SFT2D2: variants seen among roughly 807,000 people sequenced by gnomAD.
The protein encoded by SFT2D2 is SFT2 domain containing 2, also known as vesicle transport protein SFT2B.
SFT2D2 carries 21 observed loss-of-function variants against 27.4 expected under a neutral mutation model. The ratio of observed to expected loss-of-function variants is 0.77; its 90% confidence interval spans 0.54 to 1.10. The LOEUF is 1.10. SFT2D2 is among the 50% of genes least tolerant of loss of function. The pLI is 0.00. For synonymous variants in SFT2D2, 72 were observed against 71.7 expected (o/e 1.00, Z -0.02); for missense variants, 187 against 194.2 (o/e 0.96, Z 0.22).
rs1647748648 is a variant in SFT2D2, at chr1:168,244,420, C to G, written c.*1880C>G. The G allele has an allele frequency of 6.6e-6, 1 of 152,332 alleles. No homozygotes were observed. Among genetic ancestry groups the G allele is most frequent in the Non-Finnish European group, 1.5e-5 (1 of 68,206 alleles). The allele number at this position is 152,332 out of a possible 1,614,324, so 9.4% of individuals were successfully genotyped here. A position where few individuals can be genotyped will look rare whatever the true frequency, so the allele number is the denominator to read the frequency against. ...TCTGGAACTCCTGACCTCAGGTAAT[C>G]CGCCCACCTTGACCTCCCAAAGTGC... is the stretch of plus-strand genomic sequence containing the variant. On this transcript the variant is annotated 3_prime_UTR_variant, in exon 8 of 8. Coordinates refer to ENST00000271375, the MANE Select transcript of SFT2D2 (RefSeq NM_199344.3).
chr1:168,226,051 G>A lies in SFT2D2; in HGVS notation c.-29G>A. On this transcript the variant is annotated 5_prime_UTR_variant, in exon 1 of 8. Coordinates refer to ENST00000271375, the MANE Select transcript of SFT2D2 (RefSeq NM_199344.3). ...GCGAGCGCAACAGGCTGCCGCTGAG[G>A]AGCTGGAGCTGGTGGGGACTGGGCC... 3 of 1,501,788 alleles carry A rather than the reference G, an allele frequency of 2.0e-6. No individual in the cohort carries two copies. Among genetic ancestry groups the A allele is most frequent in the Non-Finnish European group, 1.8e-6 (2 of 1,122,194 alleles). 93.0% of individuals were successfully genotyped at this position (1,501,788 alleles called of 1,614,324 possible). A position where few individuals can be genotyped will look rare whatever the true frequency, so the allele number is the denominator to read the frequency against.
chr1:168,227,373 T>C (rs1700473095), intron 1 of SFT2D2, among the ~76,000 whole-genome samples: 1 of 152,200 alleles, frequency 6.6e-6, no homozygotes. Flanking sequence ...AAGTTCTTCT[T>C]TCTCAGCAAG....
chr1:168,246,508 A>G lies in SFT2D2; in HGVS notation c.*3968A>G. 1 of 1,470,446 alleles carries G rather than the reference A, an allele frequency of 6.8e-7. No homozygotes were observed. The highest frequency in any genetic ancestry group is 1.9e-5 in the Admixed American group (1 of 53,588). 91.1% of individuals were successfully genotyped at this position (1,470,446 alleles called of 1,614,324 possible). On this transcript the variant is annotated 3_prime_UTR_variant, in exon 8 of 8. Transcript: ENST00000271375. Reference sequence around the variant, plus strand: ...TTTCAGAGCCTCTCTTGTGTTATGGAGCTCAGTTTTGAGGCACCTGGACTT... The same window carrying G: ...TTTCAGAGCCTCTCTTGTGTTATGGGGCTCAGTTTTGAGGCACCTGGACTT...
intron 1 of SFT2D2, 138 bp from the exon 2 acceptor site, chr1:168,231,376 C>A (rs1647282690): frequency 3.0e-6 from 2 of 674,522 alleles, no homozygotes; most frequent in South Asian, 1.9e-5. Context: ...GATTTGATGA[C>A]TTACATCGCC....
At chr1:168,231,440 C>G in intron 1 of SFT2D2, 74 bp from the exon 2 acceptor site, 1 of 1,289,044 alleles carries the variant, frequency 7.8e-7, no homozygotes, top group Admixed American at 1.8e-5. Context: ...TTAACACTTT[C>G]TAGATTTAGT....
intron 7 of SFT2D2, among the ~76,000 whole-genome samples, chr1:168,241,985 C>T (rs1216222236): frequency 6.6e-6 from 1 of 152,076 alleles, no homozygotes; most frequent in East Asian, 1.9e-4. Flanking sequence ...TTCTTGAAGA[C>T]CAACTCTTCC....
In SFT2D2 at chr1:168,243,370, C is replaced by T. The variant is rs1289976458; in HGVS notation, c.*830C>T. 2.0e-5 allele frequency: 3 copies of T among 151,896 alleles called. No homozygotes were observed. The highest frequency in any genetic ancestry group is 2.0e-4 in the Admixed American group (3 of 15,250). 9.4% of individuals were successfully genotyped at this position (151,896 alleles called of 1,614,324 possible). A position where few individuals can be genotyped will look rare whatever the true frequency, so the allele number is the denominator to read the frequency against. On this transcript the variant is annotated 3_prime_UTR_variant, in exon 8 of 8. Coordinates refer to ENST00000271375, the MANE Select transcript of SFT2D2 (RefSeq NM_199344.3). ...CTGCTCTCAGCTATATTTTTTTCTC[C>T]ATTATTTATAAATGTTTGCTTTTAA...
chr1:168,228,255 C>A (rs1700481555), intron 1 of SFT2D2, among the ~76,000 whole-genome samples: 1 of 152,106 alleles, frequency 6.6e-6, no homozygotes, highest in African/African-American at 2.4e-5. Flanking sequence ...ATTTGATTGT[C>A]TCATATTTTT....
chr1:168,239,217 T>A, intron 7 of SFT2D2, 57 bp downstream of exon 7: 1 of 1,300,440 alleles, frequency 7.7e-7, no homozygotes, highest in Non-Finnish European at 1.1e-6. Flanking sequence ...GAGTCTGCTT[T>A]CAGAGAGTAT....
intron 3 of SFT2D2, among the ~76,000 whole-genome samples, chr1:168,233,944 G>C (rs964474446): frequency 6.6e-6 from 1 of 152,182 alleles, no homozygotes; most frequent in Non-Finnish European, 1.5e-5. Flanking sequence ...TCTTAGTTGG[G>C]ACACTTGAGA....
In SFT2D2 at chr1:168,242,521, T is replaced by C. The variant is rs1222308817; in HGVS notation, c.464T>C (p.Phe155Ser). Residue 155 changes from phenylalanine to serine, a missense_variant, in exon 8 of 8, where the codon TTT becomes TCT. Phe to Ser is a radical substitution (Grantham distance 155, BLOSUM62 -2). Transcript: ENST00000271375. ...PFARDAVKKC[F>S]AVCLA is the part of the protein sequence containing the mutation. ...CCTAGGGATGCTGTGAAGAAGTGTTTTGCCGTGTGTCTTGCATAATTCATG... is the reference window on the plus strand; with the variant it reads ...CCTAGGGATGCTGTGAAGAAGTGTTCTGCCGTGTGTCTTGCATAATTCATG... 2.5e-6 allele frequency: 4 copies of C among 1,614,214 alleles called. No individual in the cohort carries two copies. Among genetic ancestry groups the C allele is most frequent in the East Asian group, 2.2e-5 (1 of 44,886 alleles).
rs2102328948 is a variant in SFT2D2, at chr1:168,231,815, A to G, written c.151-19A>G. 2.5e-6 allele frequency: 4 copies of G among 1,612,950 alleles called. No homozygotes were observed. The highest frequency in any genetic ancestry group is 3.4e-6 in the Non-Finnish European group (4 of 1,178,942). Reference sequence around the variant, plus strand: ...GTGGGAGGGTTGCTCATGTGCAAACACTGTACTTTAAATTCCAGGGTACTG... The same window carrying G: ...GTGGGAGGGTTGCTCATGTGCAAACGCTGTACTTTAAATTCCAGGGTACTG... On this transcript the variant is annotated intron_variant, in intron 2 of 7. Transcript: ENST00000271375.
chr1:168,232,663 C>T (rs964485367), intron 3 of SFT2D2, among the ~76,000 whole-genome samples: 2 of 152,202 alleles, frequency 1.3e-5, no homozygotes, highest in African/African-American at 4.8e-5. Context: ...CTCTTTGTCC[C>T]CATGGCTGTT....
In SFT2D2 at chr1:168,252,784, AATACTCATAACT is replaced by A. The variant is rs1647977515; in HGVS notation, c.*10246_*10257del. On this transcript the variant is annotated 3_prime_UTR_variant, in exon 8 of 8. Coordinates refer to ENST00000271375, the MANE Select transcript of SFT2D2 (RefSeq NM_199344.3). ...ATGAATCCATTTTTGTAATTGTATA[AATACTCATAACT>A]AATTTTGAATGCTACTGATTGTGTA... is the stretch of plus-strand genomic sequence containing the variant. 2 of 152,196 alleles carry A rather than the reference AATACTCATAACT, an allele frequency of 1.3e-5. No homozygotes were observed. Among genetic ancestry groups the A allele is most frequent in the Non-Finnish European group, 2.9e-5 (2 of 68,032 alleles). 9.4% of individuals were successfully genotyped at this position (152,196 alleles called of 1,614,324 possible).
At chr1:168,234,997 T>G in intron 3 of SFT2D2, 104 bp from the exon 4 acceptor site, 1 of 1,010,126 alleles carries the variant, frequency 9.9e-7, no homozygotes, top group Admixed American at 1.7e-5. Context: ...TGAGAGCTTT[T>G]CAAATGTTAG....
intron 6 of SFT2D2, among the ~76,000 whole-genome samples, chr1:168,238,489 C>T (rs1416713079): frequency 6.6e-6 from 1 of 151,286 alleles, no homozygotes; most frequent in Non-Finnish European, 1.5e-5. Context: ...GACCGGGTCT[C>T]TGCAAAAAAA....
chr1:168,237,414 G>GT (rs1394740590), intron 6 of SFT2D2, among the ~76,000 whole-genome samples: 6 of 152,188 alleles, frequency 3.9e-5, no homozygotes, highest in Admixed American at 1.3e-4. Flanking sequence ...GAAACCATGA[G>GT]TGGGGCTGTA....
In SFT2D2 at chr1:168,250,191, A is replaced by G. The variant is rs928470211; in HGVS notation, c.*7651A>G. On this transcript the variant is annotated 3_prime_UTR_variant, in exon 8 of 8. Transcript: ENST00000271375. ...TCAGGACACCATTGGCAGCTTTTGC[A>G]TGACCCTGCCTCCCAGGGTCTTCCT... 6 of 152,176 alleles carry G rather than the reference A, an allele frequency of 3.9e-5. No individual in the cohort carries two copies. The highest frequency in any genetic ancestry group is 8.8e-5 in the Non-Finnish European group (6 of 68,038). 9.4% of individuals were successfully genotyped at this position (152,176 alleles called of 1,614,324 possible). A position where few individuals can be genotyped will look rare whatever the true frequency, so the allele number is the denominator to read the frequency against.
At chr1:168,235,315 C>G in intron 4 of SFT2D2, 133 bp downstream of exon 4, 2 of 847,330 alleles carry the variant, frequency 2.4e-6, no homozygotes, top group Non-Finnish European at 3.9e-6. Context: ...ATTCCTATAA[C>G]CATGTGGCAG....
Sources: allele counts gnomAD v4.1 joint callset (sites outside exome capture counted in the v4.1 genomes callset), GRCh38; gene constraint gnomAD v4.1.1; transcripts MANE v1.5; gene names NCBI Gene and HGNC (gene_info 2026-07-23, HGNC 2026-07-21).